FHIT: variants seen among roughly 807,000 people sequenced by gnomAD.
FHIT encodes the protein fragile histidine triad diadenosine triphosphatase, also known as bis(5'-adenosyl)-triphosphatase.
Under a neutral mutation model 17.9 loss-of-function variants are expected in FHIT, and 19 were observed. The ratio of observed to expected loss-of-function variants is 1.06; its 90% CI spans 0.74 to 1.56. The LOEUF (loss-of-function observed/expected upper bound fraction) is 1.56, where lower values mean the gene tolerates loss of function less well. Ranked by LOEUF, FHIT falls within the 40% of genes most tolerant of loss-of-function variation. The pLI, the probability that FHIT is intolerant of heterozygous loss-of-function variation, is 0.00. For missense variants in FHIT, 248 were observed against 189.2 expected (o/e 1.31, Z -1.82); for synonymous variants, 81 against 69.7 (o/e 1.16, Z -0.81).
intron 8 of FHIT, among the ~76,000 whole-genome samples, chr3:59,890,499 T>C (rs1243513160): frequency 6.6e-6 from 1 of 152,200 alleles, no homozygotes; most frequent in Non-Finnish European, 1.5e-5. Context: ...CCTCGGTTCA[T>C]TTCCTGTTGG....
At chr3:59,915,200 C>G (rs1011524373) in intron 8 of FHIT, among the ~76,000 whole-genome samples, 1 of 152,114 alleles carries the variant, frequency 6.6e-6, no homozygotes, top group Non-Finnish European at 1.5e-5. Context: ...TGGAATGTAT[C>G]TGGTTGGAGC....
At chr3:61,031,821 C>T (rs139664655) in intron 3 of FHIT, among the ~76,000 whole-genome samples, 3 of 150,406 alleles carry the variant, frequency 2.0e-5, no homozygotes, top group East Asian at 1.9e-4. Context: ...TGAGCGCCAT[C>T]GCCTGAGATT....
chr3:60,744,272 A>AC (rs1425752936), intron 4 of FHIT, among the ~76,000 whole-genome samples: 21 of 90,010 alleles, frequency 2.3e-4, no homozygotes, highest in African/African-American at 7.9e-4. Context: ...ACAAAACAAA[A>AC]AAAAAAAAAA....
chr3:61,189,602 C>T (rs552231977), intron 2 of FHIT, among the ~76,000 whole-genome samples: 1 of 152,272 alleles, frequency 6.6e-6, no homozygotes, highest in African/African-American at 2.4e-5. Context: ...TCATATGGAA[C>T]CAAAAACGAC....
chr3:60,131,488 T>C (rs533921576), intron 5 of FHIT, among the ~76,000 whole-genome samples: 3 of 152,230 alleles, frequency 2.0e-5, no homozygotes, highest in Non-Finnish European at 2.9e-5. Context: ...GTAAGCACTA[T>C]ATGATCCCAT....
At chr3:60,864,900 A>G (rs1704089494) in intron 3 of FHIT, among the ~76,000 whole-genome samples, 1 of 152,166 alleles carries the variant, frequency 6.6e-6, no homozygotes, top group Admixed American at 6.6e-5. Context: ...TATGGAAATG[A>G]GGATAAAGGG....
chr3:60,539,830 T>C (rs1254581807), intron 4 of FHIT, among the ~76,000 whole-genome samples: 2 of 151,972 alleles, frequency 1.3e-5, no homozygotes, highest in Non-Finnish European at 2.9e-5. Flanking sequence ...TTAGGAGATA[T>C]ACCTAACGTG....
chr3:59,942,796 G>C (rs1706591946), intron 7 of FHIT, among the ~76,000 whole-genome samples: 1 of 152,088 alleles, frequency 6.6e-6, no homozygotes, highest in African/African-American at 2.4e-5. Flanking sequence ...CTACAGGCAT[G>C]CACCACATTG....
chr3:60,568,606 A>G (rs2037227190), intron 4 of FHIT, among the ~76,000 whole-genome samples: 1 of 151,162 alleles, frequency 6.6e-6, no homozygotes, highest in African/African-American at 2.4e-5. Flanking sequence ...TTAAAGTATA[A>G]TAAAAATTAA....
chr3:59,987,127 A>G (rs1032806147), intron 7 of FHIT, among the ~76,000 whole-genome samples: 3 of 144,256 alleles, frequency 2.1e-5, no homozygotes, highest in African/African-American at 7.5e-5. Context: ...TTATATAGAT[A>G]TAAAATATAT....
At chr3:60,403,450 AAG>A (rs1187988314) in intron 5 of FHIT, among the ~76,000 whole-genome samples, 4 of 152,270 alleles carry the variant, frequency 2.6e-5, no homozygotes, top group African/African-American at 9.6e-5. Context: ...TCAGAAACAA[AAG>A]ACTCTTGGAC....
chr3:60,382,689 G>A (rs1423705794), intron 5 of FHIT, among the ~76,000 whole-genome samples: 2 of 152,048 alleles, frequency 1.3e-5, no homozygotes, highest in African/African-American at 2.4e-5. Context: ...CTAATCAGAG[G>A]TTTTTTTACC....
chr3:61,012,822 T>A (rs9820467), intron 3 of FHIT, among the ~76,000 whole-genome samples: 6,700 of 151,872 alleles, frequency 0.044, 236 homozygotes, highest in African/African-American at 0.099. Flanking sequence ...AAAATTTTTT[T>A]AAAAAATTTA....
At chr3:60,109,190 G>C (rs1363787985) in intron 5 of FHIT, among the ~76,000 whole-genome samples, 1 of 152,056 alleles carries the variant, frequency 6.6e-6, no homozygotes, top group African/African-American at 2.4e-5. Context: ...TTTCAGCCAG[G>C]AAGTTTTTTC....
chr3:60,384,266 T>TA (rs536000752), intron 5 of FHIT, among the ~76,000 whole-genome samples: 41,108 of 137,810 alleles, frequency 0.3, 5,786 homozygotes, highest in East Asian at 0.48. Flanking sequence ...GACTCCGTCT[T>TA]AAAAAAAAAA....
intron 3 of FHIT, among the ~76,000 whole-genome samples, chr3:60,933,575 G>A (rs1708061955): frequency 6.6e-6 from 1 of 152,166 alleles, no homozygotes; most frequent in African/African-American, 2.4e-5. Flanking sequence ...AAGCGGGTGT[G>A]TAGAGTAGGA....
chr3:59,776,410 G>A lies in FHIT; in HGVS notation c.349-24089C>T, dbSNP rs189967517. On this transcript the variant is annotated intron_variant, in intron 8 of 9. Coordinates refer to ENST00000492590, the MANE Select transcript of FHIT (RefSeq NM_002012.4). Reference sequence around the variant, plus strand: ...CCAAAAACAAAAAGTGGCAAGACAGGCCCATGACTCAGTCACAGAGATGTG... The same window carrying A: ...CCAAAAACAAAAAGTGGCAAGACAGACCCATGACTCAGTCACAGAGATGTG... Among the ~76,000 whole-genome samples the A allele has an allele frequency of 3.1e-4, 47 of 152,302 alleles. No individual in the cohort carries two copies. In the East Asian group the frequency reaches 8.1e-3, roughly 26 times the overall value.
intron 5 of FHIT, among the ~76,000 whole-genome samples, chr3:60,116,238 T>G (rs1704955580): frequency 6.6e-6 from 1 of 152,170 alleles, no homozygotes; most frequent in South Asian, 2.1e-4. Flanking sequence ...GTAAGTAAAG[T>G]AGAAATATAA....
chr3:60,911,543 A>G (rs1706744607), intron 3 of FHIT, among the ~76,000 whole-genome samples: 1 of 152,176 alleles, frequency 6.6e-6, no homozygotes, highest in Non-Finnish European at 1.5e-5. Flanking sequence ...CAGATCATTC[A>G]TGGTATGGGT....
Sources: allele counts gnomAD v4.1 joint callset (sites outside exome capture counted in the v4.1 genomes callset), GRCh38; gene constraint gnomAD v4.1.1; transcripts MANE v1.5; gene names NCBI Gene and HGNC (gene_info 2026-07-23, HGNC 2026-07-21).